Variants in UXS1 observed in about 807,000 individuals in gnomAD.
UXS1 encodes the protein UDP-glucuronic acid decarboxylase 1.
Under a neutral mutation model 62.6 loss-of-function variants are expected in UXS1, and 33 were observed. The ratio of observed to expected loss-of-function variants is 0.53; its 90% CI spans 0.40 to 0.70. The LOEUF is 0.70. Ranked by LOEUF, UXS1 falls within the 30% of genes least tolerant of loss-of-function variation. The pLI is 0.00. For synonymous variants in UXS1, 213 were observed against 206.8 expected, an observed-to-expected ratio of 1.03 and a Z score of -0.26; for missense variants, 434 against 556.3, an observed-to-expected ratio of 0.78 and a Z score of 2.21.
At chr2:106,097,284 G>T (rs1190026793) in intron 13 of UXS1, 4 of 446,554 alleles carry the variant, frequency 9.0e-6, no homozygotes, top group African/African-American at 2.0e-5. Context: ...GACCCAAGAT[G>T]TGCAGCCACC....
intron 1 of UXS1, among the ~76,000 whole-genome samples, chr2:106,178,228 C>T (rs967151255): frequency 6.6e-6 from 1 of 152,322 alleles, no homozygotes; most frequent in East Asian, 1.9e-4. Flanking sequence ...TATGCCATCC[C>T]CACGTGGCAC....
chr2:106,158,172 T>C (rs1474916743), intron 4 of UXS1, 54 bp from the exon 5 acceptor site: 5 of 1,432,086 alleles, frequency 3.5e-6, no homozygotes, highest in Non-Finnish European at 3.8e-6. Context: ...CATTTGAATA[T>C]TTTCTCTGTC....
At chr2:106,100,313 A>G (rs1677486182) in intron 12 of UXS1, among the ~76,000 whole-genome samples, 1 of 152,188 alleles carries the variant, frequency 6.6e-6, no homozygotes, top group African/African-American at 2.4e-5. Flanking sequence ...ACCTTGGCTG[A>G]TGCACCAAGG....
At chr2:106,108,878 G>C (rs1430919764) in intron 10 of UXS1, among the ~76,000 whole-genome samples, 1 of 152,110 alleles carries the variant, frequency 6.6e-6, no homozygotes, top group Non-Finnish European at 1.5e-5. Context: ...GCCCATTTGT[G>C]CACTTCCTTG....
At chr2:106,171,911 C>T (rs974609992) in intron 1 of UXS1, among the ~76,000 whole-genome samples, 23 of 152,272 alleles carry the variant, frequency 1.5e-4, no homozygotes, top group Non-Finnish European at 2.8e-4. Flanking sequence ...AAGGCACGCC[C>T]TTCTTTATAG....
At chr2:106,104,722 A>G in intron 11 of UXS1, 72 bp downstream of exon 11, 1 of 1,576,430 alleles carries the variant, frequency 6.3e-7, no homozygotes, top group East Asian at 2.2e-5. Context: ...AAGACACTGA[A>G]CTGTCTGTCA....
intron 5 of UXS1, among the ~76,000 whole-genome samples, chr2:106,150,842 GACTGAGACCAACAAAGCC>G (rs918899931): frequency 6.6e-6 from 1 of 152,198 alleles, no homozygotes; most frequent in African/African-American, 2.4e-5. Flanking sequence ...CAGCCAGGTG[GACTGAGACCAACAAAGCC>G]ACAAGGCTGG....
At chr2:106,100,734 G>T (rs1677521183) in intron 12 of UXS1, 2 of 261,000 alleles carry the variant, frequency 7.7e-6, no homozygotes, top group African/African-American at 2.2e-5. Flanking sequence ...GCCTTATAAT[G>T]ATGACCCGCC....
intron 1 of UXS1, among the ~76,000 whole-genome samples, chr2:106,190,549 C>T (rs1014380104): frequency 6.6e-6 from 1 of 151,992 alleles, no homozygotes; most frequent in Non-Finnish European, 1.5e-5. Flanking sequence ...AGTTTGAGAC[C>T]AGCCTGACCA....
At position 106,194,134 on chromosome 2, in the gene UXS1, G is replaced by C; in HGVS notation, c.94+14C>G. 1.4e-6 allele frequency: 2 copies of C among 1,465,348 alleles called. No individual in the cohort carries two copies. The highest frequency in any genetic ancestry group is 2.6e-5 in the South Asian group (2 of 78,182). 90.8% of individuals were successfully genotyped at this position (1,465,348 alleles called of 1,614,324 possible). On this transcript the variant is annotated intron_variant, in intron 1 of 14. Transcript: ENST00000283148. ...TGAATGGGGCTCCCCAGCTGGCAGC[G>C]GGCGCGCACTCACAGGCGACGTAGG...
chr2:106,121,877 T>C (rs1202691664), intron 9 of UXS1, among the ~76,000 whole-genome samples: 6 of 152,228 alleles, frequency 3.9e-5, no homozygotes, highest in East Asian at 3.9e-4. Flanking sequence ...TGGCTTTACA[T>C]TGCCCTGTCC....
chr2:106,130,122 C>T (rs1680312283), intron 6 of UXS1, among the ~76,000 whole-genome samples: 2 of 151,652 alleles, frequency 1.3e-5, no homozygotes, highest in Admixed American at 6.6e-5. Flanking sequence ...CAGAATTAAT[C>T]ATGAATTTTT....
chr2:106,166,187 G>A, intron 1 of UXS1, 104 bp from the exon 2 acceptor site: 1 of 1,150,832 alleles, frequency 8.7e-7, no homozygotes, highest in Non-Finnish European at 1.2e-6. Context: ...ATTTTACAAA[G>A]AAAATTAACT....
At chr2:106,118,261 C>T (rs1488581002) in intron 9 of UXS1, among the ~76,000 whole-genome samples, 1 of 151,786 alleles carries the variant, frequency 6.6e-6, no homozygotes, top group Non-Finnish European at 1.5e-5. Context: ...AATATATATA[C>T]CAACTCCGAC....
intron 10 of UXS1, among the ~76,000 whole-genome samples, chr2:106,107,043 C>A (rs1678135765): frequency 6.6e-6 from 1 of 152,148 alleles, no homozygotes; most frequent in Non-Finnish European, 1.5e-5. Flanking sequence ...ATTCTCCAAC[C>A]TCACTGTAGT....
chr2:106,096,216 G>C (rs1036502913), intron 14 of UXS1, among the ~76,000 whole-genome samples: 1 of 152,146 alleles, frequency 6.6e-6, no homozygotes, highest in Non-Finnish European at 1.5e-5. Flanking sequence ...ATGTATGTGG[G>C]AGAGGGAGTG....
intron 6 of UXS1, 103 bp downstream of exon 6, chr2:106,145,087 C>T (rs1681455831): frequency 7.7e-7 from 1 of 1,290,784 alleles, no homozygotes; most frequent in African/African-American, 1.5e-5. Context: ...CCCAACATAG[C>T]TTTCAATGTG....
At chr2:106,096,952 C>A in intron 13 of UXS1, 131 bp from the exon 14 acceptor site, 1 of 908,602 alleles carries the variant, frequency 1.1e-6, no homozygotes, top group Non-Finnish European at 1.7e-6. Flanking sequence ...ATGCAGTTCT[C>A]TGAGAAGCCC....
chr2:106,152,544 GAGAA>G (rs1682113072), intron 5 of UXS1, among the ~76,000 whole-genome samples: 1 of 136,690 alleles, frequency 7.3e-6, no homozygotes, highest in Non-Finnish European at 1.6e-5. Flanking sequence ...AAAAGAGAGA[GAGAA>G]AGGGAGAAAG....
Sources: gnomAD v4.1 joint callset for allele counts (sites outside exome capture counted in the v4.1 genomes callset) on GRCh38, gnomAD v4.1.1 for gene constraint, MANE v1.5 for transcripts, NCBI Gene and HGNC (gene_info 2026-07-23, HGNC 2026-07-21) for gene names.